The following SPAG16 variants were observed in gnomAD, a reference collection of about 807,000 sequenced individuals.
The protein encoded by SPAG16 is sperm-associated antigen 16 protein.
SPAG16 carries 86 observed loss-of-function variants against 80.4 expected under a neutral mutation model. The ratio of observed to expected loss-of-function variants is 1.07; its 90% CI spans 0.90 to 1.28. The LOEUF (loss-of-function observed/expected upper bound fraction) is 1.28. Among genes scored for constraint, SPAG16 ranks in the 50% most tolerant of loss-of-function variants. The pLI is 0.00. For synonymous variants in SPAG16, 294 were observed against 265.9 expected, an observed-to-expected ratio of 1.11 and a Z score of -1.03; for missense variants, 870 against 765.3, an observed-to-expected ratio of 1.14 and a Z score of -1.61.
At position 214,402,847 on chromosome 2, in the gene SPAG16, A is replaced by G. The variant is rs184352656; in HGVS notation, c.1721-7293A>G. On this transcript the variant is annotated intron_variant, in intron 15 of 15. Transcript: ENST00000331683. Reference sequence around the variant, plus strand: ...ATCAATAGATGCCACTAGGGCGACCATGAATATAAAATTTTTAAAATATTT... The same window carrying G: ...ATCAATAGATGCCACTAGGGCGACCGTGAATATAAAATTTTTAAAATATTT... Among the ~76,000 whole-genome samples the G allele has an allele frequency of 3.4e-3, 515 of 152,134 alleles. 1 individual carries two copies. Among genetic ancestry groups the G allele is most frequent in the Non-Finnish European group, 6.0e-3 (405 of 67,956 alleles).
intron 10 of SPAG16, among the ~76,000 whole-genome samples, chr2:213,817,517 A>G (rs1217691996): frequency 6.6e-6 from 1 of 152,048 alleles, no homozygotes; most frequent in Non-Finnish European, 1.5e-5. Context: ...TCTACCCAAA[A>G]GATATATATA....
intron 14 of SPAG16, among the ~76,000 whole-genome samples, chr2:214,127,230 G>T (rs1029849760): frequency 1.3e-5 from 2 of 151,704 alleles, no homozygotes; most frequent in Non-Finnish European, 2.9e-5. Flanking sequence ...AAGGACAACA[G>T]ATTAATGAAA....
chr2:214,274,851 G>C (rs1014832061), intron 15 of SPAG16, among the ~76,000 whole-genome samples: 1 of 152,118 alleles, frequency 6.6e-6, no homozygotes, highest in Admixed American at 6.5e-5. Flanking sequence ...CTATTGATTG[G>C]AATAGTTTCA....
chr2:213,973,636 CTTTT>C (rs375765183), intron 12 of SPAG16, among the ~76,000 whole-genome samples: 5 of 140,826 alleles, frequency 3.6e-5, no homozygotes, highest in African/African-American at 1.0e-4. Context: ...AAATTGCCCC[CTTTT>C]TTTTTTTTTT....
At chr2:214,045,633 A>T (rs1361084713) in intron 13 of SPAG16, among the ~76,000 whole-genome samples, 1 of 152,206 alleles carries the variant, frequency 6.6e-6, no homozygotes, top group African/African-American at 2.4e-5. Flanking sequence ...AGTGATTAAG[A>T]AGAAAATTTA....
chr2:214,047,949 C>T (rs1433939350), intron 13 of SPAG16, among the ~76,000 whole-genome samples: 1 of 152,124 alleles, frequency 6.6e-6, no homozygotes, highest in African/African-American at 2.4e-5. Context: ...TGCTCAGCAT[C>T]ATTGATCTTC....
intron 13 of SPAG16, among the ~76,000 whole-genome samples, chr2:214,084,065 T>A (rs2051560331): frequency 6.6e-6 from 1 of 152,172 alleles, no homozygotes. Context: ...ATAACATTTA[T>A]ACTCTTTATT....
At chr2:213,787,843 C>T (rs1392389726) in intron 10 of SPAG16, among the ~76,000 whole-genome samples, 1 of 151,908 alleles carries the variant, frequency 6.6e-6, no homozygotes, top group African/African-American at 2.4e-5. Flanking sequence ...TACTCTTTTA[C>T]ATAGGAATAC....
chr2:213,342,364 C>T (rs1252639294), intron 6 of SPAG16, among the ~76,000 whole-genome samples: 1 of 132,174 alleles, frequency 7.6e-6, no homozygotes, highest in Non-Finnish European at 1.6e-5. Context: ...ATATATATTA[C>T]ATATATATGT....
chr2:214,384,789 G>A (rs1430801483), intron 15 of SPAG16, among the ~76,000 whole-genome samples: 5 of 152,192 alleles, frequency 3.3e-5, no homozygotes, highest in Admixed American at 1.3e-4. Flanking sequence ...AAGTGGCAAT[G>A]TAGAAGAATA....
chr2:213,624,372 A>G (rs996248625), intron 10 of SPAG16, among the ~76,000 whole-genome samples: 3 of 152,196 alleles, frequency 2.0e-5, no homozygotes, highest in Non-Finnish European at 2.9e-5. Flanking sequence ...TATTTGGAAT[A>G]TACTTCTGTT....
At position 213,417,865 on chromosome 2, in the gene SPAG16, A is replaced by G. The variant is rs150921239; in HGVS notation, c.942+42746A>G. On this transcript the variant is annotated intron_variant, in intron 9 of 15. Coordinates refer to ENST00000331683, the MANE Select transcript of SPAG16 (RefSeq NM_024532.5). ...AAACAAAGATCAAATTTAGAAATTT[A>G]TTGTGTTTCAATTTTTTTTTTTTTT... 5.7e-5 allele frequency among the ~76,000 whole-genome samples: 8 copies of G among 140,232 alleles called. No homozygotes were observed. In the East Asian group the frequency reaches 1.6e-3, roughly 28 times the overall value. The allele number at this position is 140,232 out of a possible 152,430, so 92.0% of individuals were successfully genotyped here.
chr2:213,925,035 A>G (rs1048546267), intron 11 of SPAG16, among the ~76,000 whole-genome samples: 1 of 152,060 alleles, frequency 6.6e-6, no homozygotes, highest in Non-Finnish European at 1.5e-5. Flanking sequence ...CTCACTCTTA[A>G]CATTTTACCA....
intron 11 of SPAG16, among the ~76,000 whole-genome samples, chr2:213,913,235 A>G (rs1234754068): frequency 6.6e-6 from 1 of 152,112 alleles, no homozygotes; most frequent in African/African-American, 2.4e-5. Context: ...TCACTGCTCT[A>G]TAATATCCAT....
At chr2:214,119,715 ATTTC>A (rs1311008054) in intron 14 of SPAG16, among the ~76,000 whole-genome samples, 2 of 151,444 alleles carry the variant, frequency 1.3e-5, no homozygotes, top group Non-Finnish European at 2.9e-5. Context: ...CCTATAACTA[ATTTC>A]TTTCTTTTCT....
chr2:214,255,355 A>C (rs1690601507), intron 15 of SPAG16, among the ~76,000 whole-genome samples: 1 of 152,066 alleles, frequency 6.6e-6, no homozygotes, highest in South Asian at 2.1e-4. Flanking sequence ...GGATTTTTCT[A>C]ACGTAAAGAA....
At chr2:213,414,165 A>C (rs1008939318) in intron 9 of SPAG16, among the ~76,000 whole-genome samples, 1 of 152,220 alleles carries the variant, frequency 6.6e-6, no homozygotes, top group African/African-American at 2.4e-5. Context: ...TGCAGTAGGT[A>C]GTCTCCAAAC....
intron 13 of SPAG16, among the ~76,000 whole-genome samples, chr2:214,098,246 T>C (rs1042533569): frequency 1.3e-5 from 2 of 152,106 alleles, no homozygotes; most frequent in African/African-American, 4.8e-5. Context: ...GGCTATTGTA[T>C]TCCTAAGACA....
chr2:213,457,379 G>T (rs980157656), intron 9 of SPAG16, among the ~76,000 whole-genome samples: 7 of 152,164 alleles, frequency 4.6e-5, no homozygotes, highest in African/African-American at 1.7e-4. Flanking sequence ...GTAAATTTGA[G>T]CAGACTGTTC....
Sources: gnomAD v4.1 joint callset for allele counts (sites outside exome capture counted in the v4.1 genomes callset) on GRCh38, gnomAD v4.1.1 for gene constraint, MANE v1.5 for transcripts, NCBI Gene and HGNC (gene_info 2026-07-23, HGNC 2026-07-21) for gene names.